CCSER1: variants seen among roughly 807,000 people sequenced by gnomAD.
The protein encoded by CCSER1 is coiled-coil serine rich protein 1, also known as serine-rich coiled-coil domain-containing protein 1.
CCSER1 carries 41 observed loss-of-function variants against 82.0 expected under a neutral mutation model. That is an observed-to-expected ratio of 0.50 (90% confidence interval 0.39 to 0.65). CCSER1 has a LOEUF of 0.65. Among genes scored for constraint, CCSER1 ranks in the 30% least tolerant of loss-of-function variants. The pLI is 0.00. For missense variants in CCSER1, 1,119 were observed against 1,064.2 expected (o/e 1.05, Z -0.72); for synonymous variants, 414 against 383.9 (o/e 1.08, Z -0.92).
intron 7 of CCSER1, among the ~76,000 whole-genome samples, chr4:90,764,792 C>A (rs893867206): frequency 2.0e-5 from 3 of 152,028 alleles, no homozygotes; most frequent in Non-Finnish European, 4.4e-5. Flanking sequence ...AAGCTCCCAA[C>A]CCATGATTTC....
chr4:91,382,010 C>T (rs1050172260), intron 10 of CCSER1, among the ~76,000 whole-genome samples: 2 of 152,206 alleles, frequency 1.3e-5, no homozygotes, highest in Non-Finnish European at 2.9e-5. Flanking sequence ...TTGGAGTTTG[C>T]TGGAGGCCCA....
chr4:90,765,353 G>C (rs978435521), intron 7 of CCSER1, among the ~76,000 whole-genome samples: 2 of 149,236 alleles, frequency 1.3e-5, no homozygotes, highest in Non-Finnish European at 3.0e-5. Flanking sequence ...ATTTTAAACA[G>C]AGTGAAAGAT....
chr4:91,538,612 C>T (rs1206040096), intron 10 of CCSER1, among the ~76,000 whole-genome samples: 2 of 148,640 alleles, frequency 1.3e-5, no homozygotes, highest in Admixed American at 1.4e-4. Context: ...TCTCCACTTT[C>T]TCCTTCTCCC....
intron 5 of CCSER1, among the ~76,000 whole-genome samples, chr4:90,494,440 A>T (rs1159012338): frequency 6.6e-6 from 1 of 152,154 alleles, no homozygotes; most frequent in African/African-American, 2.4e-5. Context: ...AGAACTCTCC[A>T]CCCCAAATCA....
At chr4:91,020,115 C>G (rs1356478220) in intron 9 of CCSER1, among the ~76,000 whole-genome samples, 1 of 151,724 alleles carries the variant, frequency 6.6e-6, no homozygotes, top group African/African-American at 2.4e-5. Context: ...ATAGCCAAGA[C>G]AAAAAATTAA....
chr4:91,241,348 C>T (rs1279345285), intron 10 of CCSER1, among the ~76,000 whole-genome samples: 1 of 129,978 alleles, frequency 7.7e-6, no homozygotes, highest in African/African-American at 3.2e-5. Flanking sequence ...TTTTTTGAGA[C>T]GGAGTCTTGC....
At chr4:90,990,180 T>C (rs989137398) in intron 9 of CCSER1, among the ~76,000 whole-genome samples, 1 of 151,846 alleles carries the variant, frequency 6.6e-6, no homozygotes. Flanking sequence ...TGCTTTCAAG[T>C]GGAGAGTAGA....
intron 10 of CCSER1, among the ~76,000 whole-genome samples, chr4:91,548,147 G>A (rs539627101): frequency 7.9e-5 from 12 of 152,226 alleles, no homozygotes; most frequent in African/African-American, 2.9e-4. Flanking sequence ...TAGAATATCA[G>A]TGATACTTTG....
At chr4:90,912,066 G>A (rs57447317) in intron 8 of CCSER1, among the ~76,000 whole-genome samples, 7,502 of 152,266 alleles carry the variant, frequency 0.049, 526 homozygotes, top group African/African-American at 0.15. Flanking sequence ...GGGCATAGCC[G>A]AACAAAAGGC....
At chr4:90,754,124 T>A (rs1004495824) in intron 7 of CCSER1, among the ~76,000 whole-genome samples, 4 of 152,194 alleles carry the variant, frequency 2.6e-5, no homozygotes, top group Non-Finnish European at 5.9e-5. Context: ...CACAAACCCC[T>A]TGTGACCTGA....
At chr4:91,130,408 A>G (rs896859862) in intron 10 of CCSER1, among the ~76,000 whole-genome samples, 1 of 151,924 alleles carries the variant, frequency 6.6e-6, no homozygotes, top group African/African-American at 2.4e-5. Context: ...GTGTGTCTGG[A>G]TAATGAAGGA....
intron 10 of CCSER1, among the ~76,000 whole-genome samples, chr4:91,591,192 A>G (rs1293073113): frequency 6.6e-6 from 1 of 152,160 alleles, no homozygotes; most frequent in Non-Finnish European, 1.5e-5. Context: ...TAAGTAATAC[A>G]TACTTAAACA....
intron 10 of CCSER1, among the ~76,000 whole-genome samples, chr4:91,596,073 A>G (rs1764564905): frequency 6.6e-6 from 1 of 151,944 alleles, no homozygotes; most frequent in Non-Finnish European, 1.5e-5. Flanking sequence ...AAGAAGCCCC[A>G]TCTTGCTTCT....
intron 10 of CCSER1, among the ~76,000 whole-genome samples, chr4:91,125,701 G>T (rs1435932738): frequency 6.6e-6 from 1 of 151,150 alleles, no homozygotes; most frequent in African/African-American, 2.4e-5. Context: ...TTTATTTCTT[G>T]AAAATAGATA....
intron 10 of CCSER1, among the ~76,000 whole-genome samples, chr4:91,475,703 T>C (rs1578560521): frequency 6.6e-6 from 1 of 151,860 alleles, no homozygotes; most frequent in African/African-American, 2.4e-5. Context: ...CTATAAATTC[T>C]TGTTATCTGT....
intron 10 of CCSER1, among the ~76,000 whole-genome samples, chr4:91,566,317 T>G (rs912996965): frequency 6.6e-6 from 1 of 152,108 alleles, no homozygotes; most frequent in Non-Finnish European, 1.5e-5. Context: ...GATTTTGCAT[T>G]GATGTTGATC....
intron 5 of CCSER1, among the ~76,000 whole-genome samples, chr4:90,503,240 C>A (rs1337983736): frequency 1.3e-5 from 2 of 151,944 alleles, no homozygotes; most frequent in Admixed American, 1.3e-4. Flanking sequence ...TTTGAGCTTG[C>A]AAAGGGTACA....
At chr4:90,849,023 AT>A (rs1438276642) in intron 8 of CCSER1, among the ~76,000 whole-genome samples, 1 of 152,144 alleles carries the variant, frequency 6.6e-6, no homozygotes, top group Non-Finnish European at 1.5e-5. Context: ...AGTCTCAGGT[AT>A]TTTTTTATAG....
intron 10 of CCSER1, among the ~76,000 whole-genome samples, chr4:91,135,911 C>T (rs1728423614): frequency 6.6e-6 from 1 of 152,038 alleles, no homozygotes; most frequent in African/African-American, 2.4e-5. Flanking sequence ...TTTGTATAAA[C>T]CTGAATCATA....
Sources: gnomAD v4.1 joint callset for allele counts (sites outside exome capture counted in the v4.1 genomes callset) on GRCh38, gnomAD v4.1.1 for gene constraint, MANE v1.5 for transcripts, NCBI Gene and HGNC (gene_info 2026-07-23, HGNC 2026-07-21) for gene names.